Variants in BACE1 observed in about 807,000 individuals in gnomAD.
BACE1 encodes beta-secretase 1, also known as APP beta-secretase.
In BACE1, 21 loss-of-function variants were observed where a neutral mutation model predicts 54.0. The ratio of observed to expected loss-of-function variants is 0.39; its 90% CI spans 0.28 to 0.56. BACE1 has a LOEUF of 0.56. Ranked by LOEUF, BACE1 falls within the 20% of genes least tolerant of loss-of-function variation. The probability of loss-of-function intolerance (pLI) is 0.63; values close to 1 mark genes in which losing one functional copy is unlikely to be tolerated. For synonymous variants in BACE1, 232 were observed against 260.9 expected (o/e 0.89, Z 1.07); for missense variants, 511 against 661.2 (o/e 0.77, Z 2.49).
chr11:117,294,088 A>C, intron 3 of BACE1, 80 bp from the exon 4 acceptor site: 1 of 1,498,180 alleles, frequency 6.7e-7, no homozygotes, highest in South Asian at 1.3e-5. Context: ...ACTGGAAGGC[A>C]AATTTGAAGG....
At chr11:117,309,173 C>A (rs756163068) in intron 1 of BACE1, among the ~76,000 whole-genome samples, 16 of 152,106 alleles carry the variant, frequency 1.1e-4, no homozygotes, top group Non-Finnish European at 2.1e-4. Flanking sequence ...CTTTCAGGCC[C>A]CCGTATCCTG....
chr11:117,311,920 T>C (rs2034951071), intron 1 of BACE1, among the ~76,000 whole-genome samples: 1 of 152,200 alleles, frequency 6.6e-6, no homozygotes, highest in African/African-American at 2.4e-5. Flanking sequence ...ATTACAGGCG[T>C]GAGCCACCAC....
rs1460455183 is a variant in BACE1 at position 117,293,232 on chromosome 11, G to A, written c.706-44C>T. The A allele has an allele frequency of 6.2e-7, 1 of 1,606,480 alleles. No individual in the cohort carries two copies. Among genetic ancestry groups the A allele is most frequent in the Non-Finnish European group, 8.5e-7 (1 of 1,176,540 alleles). ...AGGTACCCGTGTCCTGGCACAGAAGGAGAGTGAGTCCCCCAAGGACCAAGC... is the reference window on the plus strand; with the variant it reads ...AGGTACCCGTGTCCTGGCACAGAAGAAGAGTGAGTCCCCCAAGGACCAAGC... On this transcript the variant is annotated intron_variant, in intron 4 of 8. Transcript: ENST00000313005. This position sits in a 1 kb window ranked among gnomAD's most constrained non-coding sequence, Gnocchi z 4.1.
chr11:117,312,133 T>A (rs2034956032), intron 1 of BACE1, among the ~76,000 whole-genome samples: 1 of 152,230 alleles, frequency 6.6e-6, no homozygotes, highest in Non-Finnish European at 1.5e-5. Context: ...CCTAAACCTG[T>A]AATATTAACA....
chr11:117,310,701 G>A lies in BACE1; in HGVS notation c.261+4834C>T, dbSNP rs557161078. Reference sequence around the variant, plus strand: ...CTCCCAAAGTGCTGGGATTACAGGCGTGAGCCACTGCGCCTGGCCAGAGCT... The same window carrying A: ...CTCCCAAAGTGCTGGGATTACAGGCATGAGCCACTGCGCCTGGCCAGAGCT... On this transcript the variant is annotated intron_variant, in intron 1 of 8. Coordinates refer to ENST00000313005, the MANE Select transcript of BACE1 (RefSeq NM_012104.6). Among the ~76,000 whole-genome samples, 315 of 152,306 alleles carry A rather than the reference G, an allele frequency of 2.1e-3. 2 individuals are homozygous for A. Among genetic ancestry groups the A allele is most frequent in the South Asian group, 0.02 (97 of 4,824 alleles).
intron 1 of BACE1, among the ~76,000 whole-genome samples, chr11:117,300,110 G>T (rs916663226): frequency 5.9e-5 from 9 of 151,882 alleles, no homozygotes; most frequent in African/African-American, 1.9e-4. Context: ...GGCCCTGGGC[G>T]CTCTTGCTGT....
In BACE1 at chr11:117,289,329, A is replaced by G. The variant is rs2034346580; in HGVS notation, c.*237T>C. The G allele has an allele frequency of 3.6e-6, 2 of 559,898 alleles. No homozygotes were observed. The highest frequency in any genetic ancestry group is 3.0e-6 in the Non-Finnish European group (1 of 332,940). 34.7% of individuals were successfully genotyped at this position (559,898 alleles called of 1,614,324 possible). On this transcript the variant is annotated 3_prime_UTR_variant, in exon 9 of 9. Transcript: ENST00000313005. ...TTCCCGACTTAAATTTGAGGTGACC[A>G]AGAGTATTCCCGCCAGCAGAGTGCT...
intron 3 of BACE1, among the ~76,000 whole-genome samples, chr11:117,294,881 G>A (rs1185708448): frequency 2.1e-4 from 31 of 150,176 alleles, no homozygotes; most frequent in African/African-American, 7.4e-4. Context: ...GTGAAACTCC[G>A]TCTCAAAAAA....
chr11:117,296,567 TG>T (rs2034605624), intron 2 of BACE1, among the ~76,000 whole-genome samples: 1 of 151,998 alleles, frequency 6.6e-6, no homozygotes, highest in African/African-American at 2.4e-5. Flanking sequence ...GCAGAGAAAA[TG>T]GGCCCCCTAA....
rs958563463 is a variant in BACE1, at chr11:117,315,940, G to C, written c.-145C>G. The C allele has an allele frequency of 1.1e-6, 1 of 916,530 alleles. No individual in the cohort carries two copies. Among genetic ancestry groups the C allele is most frequent in the Admixed American group, 4.2e-5 (1 of 23,678 alleles). The allele number at this position is 916,530 out of a possible 1,614,324, so 56.8% of individuals were successfully genotyped here. ...GACGCCAGGGCCTGCAGGGCCCTGGGCCAGCCCCCGGGTCCGGGCTGTGGA... is the reference window on the plus strand; with the variant it reads ...GACGCCAGGGCCTGCAGGGCCCTGGCCCAGCCCCCGGGTCCGGGCTGTGGA... On this transcript the variant is annotated 5_prime_UTR_variant, in exon 1 of 9. Coordinates refer to ENST00000313005, the MANE Select transcript of BACE1 (RefSeq NM_012104.6). This position sits in a 1 kb window ranked among gnomAD's most constrained non-coding sequence, Gnocchi z 5.5.
intron 1 of BACE1, chr11:117,297,169 A>T (rs1408190188): frequency 6.8e-5 from 36 of 531,668 alleles, no homozygotes; most frequent in Non-Finnish European, 9.5e-5. Flanking sequence ...GGCCAAAGGA[A>T]CACTTCCCCT....
At chr11:117,305,934 G>A (rs1235820519) in intron 1 of BACE1, among the ~76,000 whole-genome samples, 1 of 152,136 alleles carries the variant, frequency 6.6e-6, no homozygotes, top group African/African-American at 2.4e-5. Flanking sequence ...TACTTGGGAG[G>A]CTGAAGCAGG....
chr11:117,315,148 C>T lies in BACE1; in HGVS notation c.261+387G>A, dbSNP rs2035063964. 6.6e-6 allele frequency among the ~76,000 whole-genome samples: 1 copy of T among 152,162 alleles called. No homozygotes were observed. The highest frequency in any genetic ancestry group is 2.4e-5 in the African/African-American group (1 of 41,434). ...CAGAGGAGGGGACAAGGTTGGGTGG[C>T]CAACCTCTAGAGTGGTGGGATTTGG... On this transcript the variant is annotated intron_variant, in intron 1 of 8. Coordinates refer to ENST00000313005, the MANE Select transcript of BACE1 (RefSeq NM_012104.6). The surrounding 1 kb of genome is among the most constrained non-coding windows in gnomAD (Gnocchi z 5.5).
At chr11:117,307,509 A>G (rs558229) in intron 1 of BACE1, among the ~76,000 whole-genome samples, 31,427 of 152,016 alleles carry the variant, frequency 0.21, 3,328 homozygotes, top group African/African-American at 0.23. Context: ...ACAGGGTTTC[A>G]CCACGTTGGC....
Position 117,289,537 on chromosome 11 carries a change from G to T in BACE1, c.*29C>A, listed in dbSNP as rs1260167759. 61 of 1,611,408 alleles carry T rather than the reference G, an allele frequency of 3.8e-5. No homozygotes were observed. Among genetic ancestry groups the T allele is most frequent in the Non-Finnish European group, 5.1e-5 (60 of 1,178,570 alleles). On this transcript the variant is annotated 3_prime_UTR_variant, in exon 9 of 9. Coordinates refer to ENST00000313005, the MANE Select transcript of BACE1 (RefSeq NM_012104.6). ...TGAACCACGGAGGTGTGGTCCAGGG[G>T]AATCTCTATCTTCTGCCCATGGGCC...
At position 117,314,126 on chromosome 11, in the gene BACE1, G is replaced by A. The variant is rs140547369; in HGVS notation, c.261+1409C>T. On this transcript the variant is annotated intron_variant, in intron 1 of 8. Transcript: ENST00000313005. ...TCGTGCCATGGGGTCCATGCACAGTGTGCACAGCATGTCAGTCGCAGAAAC... is the reference window on the plus strand; with the variant it reads ...TCGTGCCATGGGGTCCATGCACAGTATGCACAGCATGTCAGTCGCAGAAAC... 1.4e-3 allele frequency among the ~76,000 whole-genome samples: 208 copies of A among 152,310 alleles called. 3 individuals are homozygous for A. In the South Asian group the frequency reaches 0.02, roughly 15 times the overall value.
intron 1 of BACE1, among the ~76,000 whole-genome samples, chr11:117,306,773 C>T (rs754250464): frequency 1.2e-4 from 18 of 151,890 alleles, no homozygotes; most frequent in Middle Eastern, 3.4e-3. Context: ...ATCGCGCCAC[C>T]GCACTCCAGC....
chr11:117,295,590 C>A, intron 2 of BACE1: 1 of 1,535,642 alleles, frequency 6.5e-7, no homozygotes, highest in East Asian at 2.4e-5. Flanking sequence ...ATTCCTAGAT[C>A]TTGAGCTCAG....
At position 117,289,699 on chromosome 11, in the gene BACE1, A is replaced by C; in HGVS notation, c.1373T>G (p.Ile458Arg). ...PQTDESTLMT[I>R]AYVMAAICAL... ...GCAGATGGCAGCCATGACATAGGCT[A>C]TGGTCATGAGGGTTGACTCATCTGT... Residue 458 changes from isoleucine (I) to arginine (R), a missense_variant, in exon 9 of 9, where the codon ATA (isoleucine) becomes AGA (arginine). Physicochemically the swap from Ile to Arg is moderately conservative, Grantham distance 97 (BLOSUM62 -3). Coordinates refer to ENST00000313005, the MANE Select transcript of BACE1 (RefSeq NM_012104.6). 1 of 1,614,170 alleles carries C rather than the reference A, an allele frequency of 6.2e-7. No homozygotes were observed. The highest frequency in any genetic ancestry group is 8.5e-7 in the Non-Finnish European group (1 of 1,180,014).
Sources: gnomAD v4.1 joint callset for allele counts (sites outside exome capture counted in the v4.1 genomes callset) on GRCh38, gnomAD v4.1.1 for gene constraint, Gnocchi (gnomAD v3.1) non-coding constraint, MANE v1.5 for transcripts, NCBI Gene and HGNC (gene_info 2026-07-23, HGNC 2026-07-21) for gene names.